GALNTL6: variants seen among roughly 807,000 people sequenced by gnomAD.
GALNTL6 encodes polypeptide N-acetylgalactosaminyltransferase like 6.
Under a neutral mutation model 73.7 loss-of-function variants are expected in GALNTL6, and 46 were observed. That is an observed-to-expected ratio of 0.62 (90% CI 0.49 to 0.80). GALNTL6 has a LOEUF of 0.80. Ranked by LOEUF, GALNTL6 falls within the 30% of genes least tolerant of loss-of-function variation. The pLI, the probability that GALNTL6 is intolerant of heterozygous loss-of-function variation, is 0.00. For synonymous variants in GALNTL6, 259 were observed against 263.7 expected (o/e 0.98, Z 0.17); for missense variants, 604 against 755.0 (o/e 0.80, Z 2.34).
intron 5 of GALNTL6, among the ~76,000 whole-genome samples, chr4:172,676,451 T>C (rs1381007565): frequency 6.6e-6 from 1 of 152,208 alleles, no homozygotes; most frequent in Non-Finnish European, 1.5e-5. Context: ...TCTACTGCAC[T>C]CTCTCATTTA....
At chr4:172,794,821 C>A (rs1740179611) in intron 5 of GALNTL6, among the ~76,000 whole-genome samples, 1 of 152,180 alleles carries the variant, frequency 6.6e-6, no homozygotes, top group Non-Finnish European at 1.5e-5. Context: ...TTTTGTCCTT[C>A]CCTACTCTAC....
chr4:171,908,739 C>T lies in GALNTL6; in HGVS notation c.138+94021C>T, dbSNP rs966028584. 1.8e-4 allele frequency among the ~76,000 whole-genome samples: 27 copies of T among 150,834 alleles called. 1 individual carries two copies. Among genetic ancestry groups the T allele is most frequent in the African/African-American group, 6.2e-4 (25 of 40,236 alleles). On this transcript the variant is annotated intron_variant, in intron 2 of 12. Coordinates refer to ENST00000506823, the MANE Select transcript of GALNTL6 (RefSeq NM_001034845.3). ...ATTCACAATATCAAAGACTTGGAAC[C>T]AACCCAAATGTCCAACAACGATAGA...
At chr4:172,110,972 T>G (rs1029852181) in intron 2 of GALNTL6, among the ~76,000 whole-genome samples, 1 of 152,020 alleles carries the variant, frequency 6.6e-6, no homozygotes, top group African/African-American at 2.4e-5. Flanking sequence ...AAAAAAATTT[T>G]AGGAGTAGTA....
At chr4:173,000,046 C>T (rs1048707836) in intron 10 of GALNTL6, among the ~76,000 whole-genome samples, 4 of 152,100 alleles carry the variant, frequency 2.6e-5, no homozygotes, top group African/African-American at 7.2e-5. Flanking sequence ...TCATTTCTTA[C>T]TACATCTTGA....
At chr4:172,540,836 TTATA>T (rs1210082910) in intron 5 of GALNTL6, among the ~76,000 whole-genome samples, 3 of 152,178 alleles carry the variant, frequency 2.0e-5, no homozygotes, top group African/African-American at 7.2e-5. Context: ...AAGGCCCTTG[TTATA>T]TAGATGAAGC....
At chr4:171,816,181 C>T (rs1734519821) in intron 2 of GALNTL6, 1 of 151,986 alleles carries the variant, frequency 6.6e-6, no homozygotes, top group Non-Finnish European at 1.5e-5. Context: ...GCTGGTAAAA[C>T]AGGAAAGGCA....
chr4:172,062,040 C>A (rs568660678), intron 2 of GALNTL6, among the ~76,000 whole-genome samples: 2 of 151,604 alleles, frequency 1.3e-5, no homozygotes, highest in Non-Finnish European at 2.9e-5. Context: ...CTTCTGCCCC[C>A]CCAGGTTCAA....
At chr4:171,969,301 G>C (rs1739490940) in intron 2 of GALNTL6, among the ~76,000 whole-genome samples, 1 of 152,122 alleles carries the variant, frequency 6.6e-6, no homozygotes, top group African/African-American at 2.4e-5. Flanking sequence ...GTATCCCACA[G>C]CCAATCATTG....
At chr4:172,860,598 A>G (rs1159758283) in intron 7 of GALNTL6, among the ~76,000 whole-genome samples, 1 of 152,206 alleles carries the variant, frequency 6.6e-6, no homozygotes, top group Non-Finnish European at 1.5e-5. Flanking sequence ...ACTCTACCAA[A>G]AAGTGCTGAG....
Position 172,711,312 on chromosome 4 carries a change from C to T in GALNTL6, c.554-98049C>T, listed in dbSNP as rs563477601. On this transcript the variant is annotated intron_variant, in intron 5 of 12. Coordinates refer to ENST00000506823, the MANE Select transcript of GALNTL6 (RefSeq NM_001034845.3). ...AGAGTTTTCTGATGGGTTCTGTAAA[C>T]GTATAGAGATTACTGCGGCTGAAGC... Among the ~76,000 whole-genome samples, 4 of 152,140 alleles carry T rather than the reference C, an allele frequency of 2.6e-5. No individual in the cohort carries two copies. The South Asian group carries it at 8.3e-4, about 32-fold the overall frequency.
chr4:172,944,060 A>G (rs1749038754), intron 9 of GALNTL6, among the ~76,000 whole-genome samples: 1 of 152,208 alleles, frequency 6.6e-6, no homozygotes, highest in South Asian at 2.1e-4. Context: ...AAAAACAAAG[A>G]AGAAAAATTT....
chr4:172,946,113 T>C (rs1255993467), intron 9 of GALNTL6, among the ~76,000 whole-genome samples: 1 of 133,274 alleles, frequency 7.5e-6, no homozygotes, highest in African/African-American at 2.9e-5. Flanking sequence ...TCACTAGTTT[T>C]GGGGAAAAAG....
intron 5 of GALNTL6, among the ~76,000 whole-genome samples, chr4:172,412,793 C>CA (rs1177773237): frequency 1.3e-5 from 2 of 152,114 alleles, no homozygotes; most frequent in African/African-American, 2.4e-5. Flanking sequence ...CAACAAGTAA[C>CA]AAAAAAATCC....
intron 2 of GALNTL6, among the ~76,000 whole-genome samples, chr4:172,159,550 A>C (rs1422337142): frequency 1.3e-5 from 2 of 152,290 alleles, no homozygotes; most frequent in South Asian, 4.1e-4. Flanking sequence ...TGTAGAGAGG[A>C]GAATCTTCTA....
intron 10 of GALNTL6, among the ~76,000 whole-genome samples, chr4:173,005,010 C>G (rs935646991): frequency 6.6e-6 from 1 of 152,152 alleles, no homozygotes; most frequent in Non-Finnish European, 1.5e-5. Flanking sequence ...AGTTGAATCC[C>G]CTACCCCACA....
intron 2 of GALNTL6, among the ~76,000 whole-genome samples, chr4:172,199,370 A>G (rs562787274): frequency 1.3e-5 from 2 of 152,364 alleles, no homozygotes; most frequent in African/African-American, 4.8e-5. Context: ...CCTCGTGCTT[A>G]GATCAAATAT....
intron 10 of GALNTL6, among the ~76,000 whole-genome samples, chr4:172,976,978 C>T (rs1456746475): frequency 1.3e-5 from 2 of 152,172 alleles, no homozygotes; most frequent in Admixed American, 1.3e-4. Flanking sequence ...TGCATTTGGT[C>T]TCAGAAAGCT....
At chr4:172,665,796 T>C (rs1266358148) in intron 5 of GALNTL6, among the ~76,000 whole-genome samples, 1 of 152,192 alleles carries the variant, frequency 6.6e-6, no homozygotes, top group African/African-American at 2.4e-5. Context: ...ATGTTACTTG[T>C]TTCTATGTTC....
intron 2 of GALNTL6, among the ~76,000 whole-genome samples, chr4:172,204,243 A>T (rs185896906): frequency 3.3e-5 from 5 of 152,352 alleles, no homozygotes; most frequent in African/African-American, 1.2e-4. Flanking sequence ...AAATACATTT[A>T]TATATGATAG....
Sources: gnomAD v4.1 joint callset for allele counts (sites outside exome capture counted in the v4.1 genomes callset) on GRCh38, gnomAD v4.1.1 for gene constraint, MANE v1.5 for transcripts, NCBI Gene and HGNC (gene_info 2026-07-23, HGNC 2026-07-21) for gene names.